Variants in FMNL2 observed in about 807,000 individuals in gnomAD.
FMNL2 encodes the protein formin-like protein 2.
FMNL2 carries 51 observed loss-of-function variants against 130.2 expected under a neutral mutation model. The ratio of observed to expected loss-of-function variants is 0.39; its 90% confidence interval spans 0.31 to 0.49. The LOEUF (loss-of-function observed/expected upper bound fraction) is 0.49. Among genes scored for constraint, FMNL2 ranks in the 20% least tolerant of loss-of-function variants. FMNL2 has a pLI of 0.85. For missense variants in FMNL2, 977 were observed against 1,316.2 expected (o/e 0.74, Z 3.99); for synonymous variants, 465 against 467.1 (o/e 1.00, Z 0.06).
In FMNL2 at chr2:152,560,964, G is replaced by A; in HGVS notation, c.525G>A (p.Leu175=). 2.5e-6 allele frequency: 4 copies of A among 1,608,942 alleles called. No homozygotes were observed. Among genetic ancestry groups the A allele is most frequent in the Non-Finnish European group, 3.4e-6 (4 of 1,177,574 alleles). Residue 175 remains leucine (L), a synonymous_variant, in exon 6 of 26, where the codon CTG becomes CTA. Coordinates refer to ENST00000288670, the MANE Select transcript of FMNL2 (RefSeq NM_052905.4). The part of the protein sequence containing the change: ...SKPWSRSIED[L]HRGSNLPSPV... Reference sequence around the variant, plus strand: ...CCTGGAGTAGGTCCATCGAGGACCTGCACAGAGGGAGCAACCTGCCCTCAC... The same window carrying A: ...CCTGGAGTAGGTCCATCGAGGACCTACACAGAGGGAGCAACCTGCCCTCAC...
In FMNL2 at chr2:152,618,829, C is replaced by T. The variant is rs1699084418; in HGVS notation, c.1315-17C>T. On this transcript the variant is annotated splice_polypyrimidine_tract_variant and intron_variant, in intron 13 of 25. Coordinates refer to ENST00000288670, the MANE Select transcript of FMNL2 (RefSeq NM_052905.4). ...TGTTATGTGAAGATAAACTCTTGAC[C>T]TTGGACTTTATTGCAGGAAATCTAC... The T allele has an allele frequency of 2.5e-6, 4 of 1,568,862 alleles. No homozygotes were observed. Among genetic ancestry groups the T allele is most frequent in the Non-Finnish European group, 2.6e-6 (3 of 1,159,036 alleles).
At chr2:152,617,959 T>G (rs1699041494) in intron 13 of FMNL2, among the ~76,000 whole-genome samples, 1 of 152,246 alleles carries the variant, frequency 6.6e-6, no homozygotes, top group South Asian at 2.1e-4. Context: ...CTGGCACGCC[T>G]TCGAGACAGA....
At chr2:152,600,381 T>A (rs1466562783) in intron 9 of FMNL2, among the ~76,000 whole-genome samples, 1 of 152,204 alleles carries the variant, frequency 6.6e-6, no homozygotes, top group African/African-American at 2.4e-5. Context: ...TTTATAGCCA[T>A]CTCATAAGAG....
intron 1 of FMNL2, among the ~76,000 whole-genome samples, chr2:152,344,354 T>A (rs1459265395): frequency 6.8e-6 from 1 of 147,690 alleles, no homozygotes; most frequent in Non-Finnish European, 1.5e-5. Context: ...CAAGCCAATT[T>A]GCCTATGAGT....
chr2:152,371,470 A>T (rs140197928), intron 1 of FMNL2, among the ~76,000 whole-genome samples: 1,674 of 152,126 alleles, frequency 0.011, 12 homozygotes, highest in Non-Finnish European at 0.02. Context: ...GGAGATTGAA[A>T]CCATCCTGGC....
chr2:152,495,512 T>C (rs942264878), intron 1 of FMNL2, among the ~76,000 whole-genome samples: 4 of 151,252 alleles, frequency 2.6e-5, no homozygotes, highest in Non-Finnish European at 5.9e-5. Context: ...TAGCTGGGTG[T>C]GGTGGCACAT....
chr2:152,622,581 G>T (rs1471959428), intron 15 of FMNL2: 4 of 456,538 alleles, frequency 8.8e-6, no homozygotes, highest in African/African-American at 6.0e-5. Flanking sequence ...CACTGAGTGT[G>T]TTGAGTATTT....
At chr2:152,364,273 T>G (rs1455112465) in intron 1 of FMNL2, among the ~76,000 whole-genome samples, 217 of 146,568 alleles carry the variant, frequency 1.5e-3, no homozygotes, top group African/African-American at 5.3e-3. Context: ...TTTTTTTTTT[T>G]TTTTTTTTTT....
chr2:152,431,271 T>C (rs1388221254), intron 1 of FMNL2, among the ~76,000 whole-genome samples: 1 of 152,232 alleles, frequency 6.6e-6, no homozygotes, highest in Admixed American at 6.5e-5. Flanking sequence ...AGGCTTATTA[T>C]AAGGCTCAAT....
intron 9 of FMNL2, among the ~76,000 whole-genome samples, chr2:152,603,120 C>A (rs996242869): frequency 1.3e-5 from 2 of 152,278 alleles, no homozygotes; most frequent in African/African-American, 4.8e-5. Context: ...TCCTTTCCTT[C>A]CTCAGAAACA....
intron 15 of FMNL2, 95 bp downstream of exon 15, chr2:152,619,813 C>G: frequency 2.0e-6 from 3 of 1,519,764 alleles, no homozygotes; most frequent in Non-Finnish European, 2.6e-6. Context: ...AGGTCTCTTG[C>G]AATGATGTGT....
Position 152,628,443 on chromosome 2 carries a change from G to A in FMNL2, c.2310G>A (p.Met770Ile), listed in dbSNP as rs1245811028. 1 of 1,614,034 alleles carries A rather than the reference G, an allele frequency of 6.2e-7. No individual in the cohort carries two copies. Among genetic ancestry groups the A allele is most frequent in the Non-Finnish European group, 8.5e-7 (1 of 1,179,898 alleles). Residue 770 changes from methionine (M) to isoleucine (I), a missense_variant, in exon 18 of 26, where the codon ATG becomes ATA. Transcript: ENST00000288670. ...ENLSDEDRFMMQFSKIERLMQ... is the reference protein window; with the variant it reads ...ENLSDEDRFMIQFSKIERLMQ... The stretch of plus-strand genomic sequence containing the variant: ...TGTCAGATGAAGATCGGTTCATGAT[G>A]CAGTTTAGTAAAATCGAGAGGCTCA...
chr2:152,577,906 A>G (rs767990434), intron 7 of FMNL2, among the ~76,000 whole-genome samples: 3 of 152,204 alleles, frequency 2.0e-5, no homozygotes, highest in Non-Finnish European at 4.4e-5. Flanking sequence ...GCAGTGGCTG[A>G]ACACAGGTTG....
At chr2:152,590,560 G>A (rs1349816560) in intron 9 of FMNL2, among the ~76,000 whole-genome samples, 1 of 151,966 alleles carries the variant, frequency 6.6e-6, no homozygotes. Flanking sequence ...GTTGCAGTGA[G>A]TCGAGATCGC....
At chr2:152,548,485 C>T (rs912765896) in intron 3 of FMNL2, among the ~76,000 whole-genome samples, 15 of 152,192 alleles carry the variant, frequency 9.9e-5, no homozygotes, top group African/African-American at 3.6e-4. Context: ...ATTAAACCAG[C>T]TCCCAATAAG....
At chr2:152,622,825 TTTC>T (rs201940327) in intron 15 of FMNL2, among the ~76,000 whole-genome samples, 3,599 of 151,198 alleles carry the variant, frequency 0.024, 138 homozygotes, top group African/African-American at 0.082. Context: ...TTTTTTTTTT[TTTC>T]TTCTTCTTCT....
rs1553462980 is a variant in FMNL2 at position 152,478,229 on chromosome 2, CAT to C, written c.118-43693_118-43692del. Reference sequence around the variant, plus strand: ...TACTTAATATACGTATACATATATACATATATATATATATATATATATTTTTT... The same window carrying C: ...TACTTAATATACGTATACATATATACATATATATATATATATATATTTTTT... On this transcript the variant is annotated intron_variant, in intron 1 of 25. Transcript: ENST00000288670. Among the ~76,000 whole-genome samples, 710 of 116,838 alleles carry C rather than the reference CAT, an allele frequency of 6.1e-3. 29 individuals are homozygous for C. Among genetic ancestry groups the C allele is most frequent in the Middle Eastern group, 0.032 (7 of 222 alleles). The allele number at this position is 116,838 out of a possible 152,430, so 76.7% of individuals were successfully genotyped here. A position where few individuals can be genotyped will look rare whatever the true frequency, so the allele number is the denominator to read the frequency against.
intron 21 of FMNL2, among the ~76,000 whole-genome samples, chr2:152,633,034 C>T (rs77283526): frequency 0.12 from 17,580 of 151,978 alleles, 1,291 homozygotes; most frequent in African/African-American, 0.21. Context: ...CTGGTCTACC[C>T]TCTCGTACAA....
intron 2 of FMNL2, among the ~76,000 whole-genome samples, chr2:152,538,406 A>T (rs571937969): frequency 1.2e-3 from 178 of 152,220 alleles, no homozygotes; most frequent in African/African-American, 4.2e-3. Context: ...CAGCCTCCCA[A>T]GTAGCTGGGA....
Sources: gnomAD v4.1 joint callset for allele counts (sites outside exome capture counted in the v4.1 genomes callset) on GRCh38, gnomAD v4.1.1 for gene constraint, MANE v1.5 for transcripts, NCBI Gene and HGNC (gene_info 2026-07-23, HGNC 2026-07-21) for gene names.